Variants in ZBTB7C observed in about 807,000 individuals in gnomAD.
The protein encoded by ZBTB7C is zinc finger and BTB domain-containing protein 7C.
A neutral mutation model predicts 25.7 loss-of-function variants in ZBTB7C; 8 were observed. That is an observed-to-expected ratio of 0.31 (90% CI 0.18 to 0.56). The LOEUF (loss-of-function observed/expected upper bound fraction) is 0.56, where lower values mean the gene tolerates loss of function less well. Among genes scored for constraint, ZBTB7C ranks in the 20% least tolerant of loss-of-function variants. The pLI is 0.91. For missense variants in ZBTB7C, 824 were observed against 855.2 expected, an observed-to-expected ratio of 0.96 and a Z score of 0.46; for synonymous variants, 394 against 369.0, an observed-to-expected ratio of 1.07 and a Z score of -0.78.
At chr18:48,095,836 A>G (rs2038606646) in intron 3 of ZBTB7C, among the ~76,000 whole-genome samples, 1 of 152,192 alleles carries the variant, frequency 6.6e-6, no homozygotes, top group African/African-American at 2.4e-5. Flanking sequence ...GCCGTCTCCT[A>G]CCCTTGATTC....
At chr18:48,286,108 T>C (rs923287680) in intron 2 of ZBTB7C, among the ~76,000 whole-genome samples, 1 of 152,228 alleles carries the variant, frequency 6.6e-6, no homozygotes, top group Non-Finnish European at 1.5e-5. Context: ...CTCAGACTTT[T>C]AGTCCCTCTT....
At chr18:48,056,029 A>G (rs1394109937) in intron 3 of ZBTB7C, among the ~76,000 whole-genome samples, 1 of 152,188 alleles carries the variant, frequency 6.6e-6, no homozygotes, top group Non-Finnish European at 1.5e-5. Flanking sequence ...AAAAGTAAAA[A>G]GAAGAGTTGG....
At chr18:48,141,579 C>T (rs2040351669) in intron 3 of ZBTB7C, among the ~76,000 whole-genome samples, 1 of 152,002 alleles carries the variant, frequency 6.6e-6, no homozygotes, top group Non-Finnish European at 1.5e-5. Flanking sequence ...GGGAAAGTAA[C>T]CCATAATCTC....
chr18:48,026,876 T>TA lies in ZBTB7C; in HGVS notation c.*2383dup, dbSNP rs1156583596. ...CATCTCACAGAAGTGCAACTCTCAA[T>TA]ATAATTTAATCAAGTCAATTAATAC... is the stretch of plus-strand genomic sequence containing the variant. On this transcript the variant is annotated 3_prime_UTR_variant, in exon 5 of 5. Transcript: ENST00000590800. The TA allele has an allele frequency of 6.6e-6, 1 of 151,990 alleles. No individual in the cohort carries two copies. Among genetic ancestry groups the TA allele is most frequent in the African/African-American group, 2.4e-5 (1 of 41,366 alleles). The allele number at this position is 151,990 out of a possible 1,614,324, so 9.4% of individuals were successfully genotyped here. A position where few individuals can be genotyped will look rare whatever the true frequency, so the allele number is the denominator to read the frequency against.
At chr18:48,249,790 T>C (rs899752276) in intron 2 of ZBTB7C, among the ~76,000 whole-genome samples, 5 of 152,108 alleles carry the variant, frequency 3.3e-5, no homozygotes, top group East Asian at 1.9e-4. Context: ...TACACTACAA[T>C]AGCAAGACTC....
At chr18:48,360,702 C>T (rs887269045) in intron 1 of ZBTB7C, among the ~76,000 whole-genome samples, 6 of 151,988 alleles carry the variant, frequency 3.9e-5, no homozygotes, top group Non-Finnish European at 7.4e-5. Context: ...AATCCCTAGA[C>T]CAAGTGACCA....
chr18:48,207,559 C>T (rs2145229472), intron 2 of ZBTB7C, among the ~76,000 whole-genome samples: 1 of 148,884 alleles, frequency 6.7e-6, no homozygotes, highest in South Asian at 2.1e-4. Context: ...ATCTATCTAT[C>T]CACTGCCTAT....
chr18:48,109,589 A>G (rs1000086384), intron 3 of ZBTB7C, among the ~76,000 whole-genome samples: 1 of 150,888 alleles, frequency 6.6e-6, no homozygotes, highest in Admixed American at 6.7e-5. Flanking sequence ...GAACAATATT[A>G]TCAGGAAGGT....
At chr18:48,222,638 A>G (rs939376941) in intron 2 of ZBTB7C, among the ~76,000 whole-genome samples, 1 of 152,146 alleles carries the variant, frequency 6.6e-6, no homozygotes, top group African/African-American at 2.4e-5. Flanking sequence ...TTCCCATCAC[A>G]TCATGTTTCT....
intron 2 of ZBTB7C, among the ~76,000 whole-genome samples, chr18:48,324,128 G>A (rs922134763): frequency 6.6e-6 from 1 of 152,138 alleles, no homozygotes; most frequent in Admixed American, 6.5e-5. Flanking sequence ...TTCCAGAATC[G>A]TGAGTAGCAA....
chr18:48,227,019 C>CAAAAAAAAAA (rs1187830776), intron 2 of ZBTB7C, among the ~76,000 whole-genome samples: 2 of 56,120 alleles, frequency 3.6e-5, no homozygotes, highest in Non-Finnish European at 7.5e-5. Context: ...GACTCCATCT[C>CAAAAAAAAAA]AAAAAAAAAA....
intron 1 of ZBTB7C, among the ~76,000 whole-genome samples, chr18:48,393,237 C>T (rs2047943938): frequency 7.0e-6 from 1 of 142,202 alleles, no homozygotes; most frequent in Admixed American, 7.0e-5. Context: ...CCAATATCCC[C>T]ACTCCCACCT....
intron 2 of ZBTB7C, among the ~76,000 whole-genome samples, chr18:48,328,394 A>G (rs1370300058): frequency 6.6e-6 from 1 of 152,186 alleles, no homozygotes; most frequent in Non-Finnish European, 1.5e-5. Flanking sequence ...GGGTAGTATC[A>G]CAAGTTCCTT....
chr18:48,204,773 C>T (rs1264033572), intron 2 of ZBTB7C, among the ~76,000 whole-genome samples: 4 of 152,198 alleles, frequency 2.6e-5, no homozygotes, highest in African/African-American at 9.7e-5. Flanking sequence ...ACCCTCTCTC[C>T]CAACACATCC....
At chr18:48,186,099 C>T (rs1201097787) in intron 2 of ZBTB7C, 104 bp from the exon 3 acceptor site, 1 of 152,594 alleles carries the variant, frequency 6.6e-6, no homozygotes, top group Non-Finnish European at 1.5e-5. Context: ...TCTGTGTTCT[C>T]ACTCCCAGCA....
intron 3 of ZBTB7C, among the ~76,000 whole-genome samples, chr18:48,111,091 C>T (rs1028777608): frequency 4.6e-5 from 7 of 152,132 alleles, no homozygotes; most frequent in African/African-American, 1.7e-4. Flanking sequence ...GCTGCTGGGT[C>T]ACCAAGCATT....
intron 2 of ZBTB7C, among the ~76,000 whole-genome samples, chr18:48,311,420 A>G (rs772437999): frequency 6.6e-6 from 1 of 152,182 alleles, no homozygotes; most frequent in Non-Finnish European, 1.5e-5. Context: ...GTCACTCTCA[A>G]TTATGGGCAA....
chr18:48,050,094 G>A (rs1361904681), intron 3 of ZBTB7C, among the ~76,000 whole-genome samples: 1 of 152,218 alleles, frequency 6.6e-6, no homozygotes, highest in Non-Finnish European at 1.5e-5. Flanking sequence ...GAATGAGGTT[G>A]GGCAGCGGCT....
intron 3 of ZBTB7C, among the ~76,000 whole-genome samples, chr18:48,124,041 G>A (rs2039718268): frequency 6.6e-6 from 1 of 152,166 alleles, no homozygotes. Context: ...CTCTCTGTGA[G>A]GAATCATTTG....
Sources: allele counts gnomAD v4.1 joint callset (sites outside exome capture counted in the v4.1 genomes callset), GRCh38; gene constraint gnomAD v4.1.1; transcripts MANE v1.5; gene names NCBI Gene and HGNC (gene_info 2026-07-23, HGNC 2026-07-21).